ZNF385D: variants seen among roughly 807,000 people sequenced by gnomAD.
ZNF385D encodes the protein zinc finger protein 659.
In ZNF385D, 15 loss-of-function variants were observed where a neutral mutation model predicts 35.8. The ratio of observed to expected loss-of-function variants is 0.42; its 90% confidence interval spans 0.28 to 0.64. ZNF385D has a LOEUF of 0.64. Ranked by LOEUF, ZNF385D falls within the 30% of genes least tolerant of loss-of-function variation. ZNF385D has a pLI of 0.23. For missense variants in ZNF385D, 474 were observed against 494.6 expected (o/e 0.96, Z 0.39); for synonymous variants, 212 against 186.8 (o/e 1.13, Z -1.10).
intron 3 of ZNF385D, among the ~76,000 whole-genome samples, chr3:21,905,215 A>AAAAG (rs1699616409): frequency 1.3e-5 from 2 of 149,296 alleles, no homozygotes; most frequent in Non-Finnish European, 3.0e-5. Flanking sequence ...CAAAAAAAAA[A>AAAAG]AAAAAAAAAA....
chr3:21,989,194 A>G (rs904422148), intron 3 of ZNF385D, among the ~76,000 whole-genome samples: 11 of 152,074 alleles, frequency 7.2e-5, no homozygotes, highest in African/African-American at 2.7e-4. Context: ...ATCTCCCTCA[A>G]TTTTTTAGAA....
intron 2 of ZNF385D, among the ~76,000 whole-genome samples, chr3:22,359,661 C>CA (rs1429242838): frequency 6.6e-6 from 1 of 151,700 alleles, no homozygotes; most frequent in Non-Finnish European, 1.5e-5. Context: ...TATTGAGAGA[C>CA]AGTCATGTCA....
At chr3:22,042,432 TAA>T (rs150131463) in intron 3 of ZNF385D, among the ~76,000 whole-genome samples, 2 of 148,348 alleles carry the variant, frequency 1.3e-5, no homozygotes, top group African/African-American at 4.9e-5. Context: ...GTGATAGGGC[TAA>T]AAAAAAAAGT....
intron 2 of ZNF385D, among the ~76,000 whole-genome samples, chr3:22,199,262 G>C (rs1461244904): frequency 6.6e-6 from 1 of 152,030 alleles, no homozygotes; most frequent in Non-Finnish European, 1.5e-5. Context: ...GCCCAATGTA[G>C]ATTACATTTT....
intron 3 of ZNF385D, among the ~76,000 whole-genome samples, chr3:21,966,598 T>C (rs771830508): frequency 6.6e-6 from 1 of 152,198 alleles, no homozygotes. Context: ...GTTTGTTTGT[T>C]TGAGACGCAG....
chr3:21,811,064 C>T (rs896026098), intron 3 of ZNF385D, among the ~76,000 whole-genome samples: 10 of 151,020 alleles, frequency 6.6e-5, no homozygotes, highest in African/African-American at 2.4e-4. Flanking sequence ...AGGATTTCCA[C>T]ATAGGAAATA....
intron 2 of ZNF385D, among the ~76,000 whole-genome samples, chr3:22,211,555 T>C (rs1336830217): frequency 6.6e-6 from 1 of 151,982 alleles, no homozygotes; most frequent in African/African-American, 2.4e-5. Context: ...AACCAGGAGA[T>C]GATACCAAGA....
intron 2 of ZNF385D, among the ~76,000 whole-genome samples, chr3:22,325,677 T>A (rs1445130224): frequency 6.6e-6 from 1 of 152,080 alleles, no homozygotes; most frequent in African/African-American, 2.4e-5. Context: ...GAGAATTGGT[T>A]GAACCCAGGG....
intron 2 of ZNF385D, among the ~76,000 whole-genome samples, chr3:22,336,577 C>A (rs565144406): frequency 1.3e-5 from 2 of 152,092 alleles, no homozygotes; most frequent in Admixed American, 1.3e-4. Flanking sequence ...CTTGTCACAT[C>A]TGACAGCTAT....
At chr3:22,241,324 C>T (rs776746423) in intron 2 of ZNF385D, among the ~76,000 whole-genome samples, 2 of 151,164 alleles carry the variant, frequency 1.3e-5, no homozygotes, top group Non-Finnish European at 2.9e-5. Context: ...TGTTCCCTTG[C>T]ACTCATCCTC....
intron 2 of ZNF385D, among the ~76,000 whole-genome samples, chr3:21,582,509 A>G (rs1358945007): frequency 1.3e-5 from 2 of 152,144 alleles, no homozygotes; most frequent in Non-Finnish European, 2.9e-5. Context: ...GCCTTTCTTA[A>G]TAAGTTAAAG....
At chr3:21,677,195 G>A (rs1484635088) in intron 1 of ZNF385D, among the ~76,000 whole-genome samples, 2 of 152,078 alleles carry the variant, frequency 1.3e-5, no homozygotes, top group Admixed American at 1.3e-4. Context: ...TGGAGATAAT[G>A]AGCATTAAAG....
intron 3 of ZNF385D, among the ~76,000 whole-genome samples, chr3:22,037,545 T>G (rs1019133328): frequency 2.0e-5 from 3 of 152,272 alleles, no homozygotes; most frequent in African/African-American, 7.2e-5. Context: ...CTTCACCCAC[T>G]TTTTGATGGG....
At chr3:21,586,567 TAAAGAC>T (rs1483274415) in intron 2 of ZNF385D, among the ~76,000 whole-genome samples, 1 of 152,110 alleles carries the variant, frequency 6.6e-6, no homozygotes, top group Non-Finnish European at 1.5e-5. Flanking sequence ...AACAATGAAT[TAAAGAC>T]AAATTGAGGA....
At chr3:21,544,817 C>T (rs2062314519) in intron 3 of ZNF385D, among the ~76,000 whole-genome samples, 1 of 152,000 alleles carries the variant, frequency 6.6e-6, no homozygotes, top group Admixed American at 6.6e-5. Context: ...TGTTTTAGAC[C>T]TCGAACATTT....
chr3:22,230,908 A>G (rs1698850034), intron 2 of ZNF385D, among the ~76,000 whole-genome samples: 1 of 152,132 alleles, frequency 6.6e-6, no homozygotes, highest in Admixed American at 6.6e-5. Context: ...GAAAAAGATG[A>G]AAATTCTACA....
intron 2 of ZNF385D, among the ~76,000 whole-genome samples, chr3:21,599,916 A>G (rs1169056767): frequency 1.3e-5 from 2 of 152,196 alleles, no homozygotes; most frequent in Non-Finnish European, 2.9e-5. Context: ...AAGGCATTCT[A>G]AATCACAGGA....
At chr3:22,278,037 T>C (rs1701521524) in intron 2 of ZNF385D, among the ~76,000 whole-genome samples, 1 of 152,080 alleles carries the variant, frequency 6.6e-6, no homozygotes, top group African/African-American at 2.4e-5. Flanking sequence ...ACACTGTGTA[T>C]CTCCACCACT....
At chr3:21,620,228 A>C (rs1189603711) in intron 2 of ZNF385D, among the ~76,000 whole-genome samples, 1 of 152,196 alleles carries the variant, frequency 6.6e-6, no homozygotes, top group African/African-American at 2.4e-5. Context: ...GCCAGAAAGG[A>C]TCTAGGCACT....
Sources: allele counts gnomAD v4.1 joint callset (sites outside exome capture counted in the v4.1 genomes callset), GRCh38; gene constraint gnomAD v4.1.1; transcripts MANE v1.5; gene names NCBI Gene and HGNC (gene_info 2026-07-23, HGNC 2026-07-21).